Variants in CNTN5 observed in about 807,000 individuals in gnomAD.
CNTN5 encodes contactin 5, also known as contactin-5.
A neutral mutation model predicts 129.1 loss-of-function variants in CNTN5; 77 were observed. That is an observed-to-expected ratio of 0.60 (90% confidence interval 0.50 to 0.72). CNTN5 has a LOEUF of 0.72. Among genes scored for constraint, CNTN5 ranks in the 30% least tolerant of loss-of-function variants. The pLI, the probability that CNTN5 is intolerant of heterozygous loss-of-function variation, is 0.00. For synonymous variants in CNTN5, 509 were observed against 465.6 expected (o/e 1.09, Z -1.20); for missense variants, 1,478 against 1,328.8 (o/e 1.11, Z -1.75).
chr11:100,341,327 A>G (rs578005896), intron 23 of CNTN5, 122 bp downstream of exon 23: 13 of 706,404 alleles, frequency 1.8e-5, no homozygotes, highest in South Asian at 3.7e-5. Context: ...GTCATTTTCT[A>G]TCTGTATCTT....
chr11:99,495,994 G>T (rs1453351898), intron 2 of CNTN5, among the ~76,000 whole-genome samples: 1 of 152,176 alleles, frequency 6.6e-6, no homozygotes, highest in Non-Finnish European at 1.5e-5. Flanking sequence ...GAAGAGCAAT[G>T]TGGGAAAGGG....
At chr11:99,523,079 A>C (rs752069456) in intron 2 of CNTN5, among the ~76,000 whole-genome samples, 10 of 152,202 alleles carry the variant, frequency 6.6e-5, no homozygotes, top group South Asian at 2.1e-4. Flanking sequence ...AATTATCTAC[A>C]TTCTATCAAG....
intron 9 of CNTN5, among the ~76,000 whole-genome samples, chr11:100,010,331 A>G (rs1940448296): frequency 6.6e-6 from 1 of 152,158 alleles, no homozygotes; most frequent in Non-Finnish European, 1.5e-5. Context: ...GGGGGGAAAA[A>G]AAGAATTAGA....
intron 2 of CNTN5, among the ~76,000 whole-genome samples, chr11:99,522,779 C>T (rs182818201): frequency 6.6e-6 from 1 of 152,230 alleles, no homozygotes; most frequent in East Asian, 1.9e-4. Context: ...TGGCATCTAT[C>T]TTTCTTTATT....
intron 1 of CNTN5, among the ~76,000 whole-genome samples, chr11:99,205,365 A>T (rs1369317546): frequency 6.6e-6 from 1 of 152,126 alleles, no homozygotes; most frequent in African/African-American, 2.4e-5. Flanking sequence ...TACCTGCTCT[A>T]GAAGAGGTTT....
At chr11:100,155,939 G>C (rs181045144) in intron 13 of CNTN5, among the ~76,000 whole-genome samples, 13 of 152,160 alleles carry the variant, frequency 8.5e-5, no homozygotes, top group African/African-American at 3.1e-4. Flanking sequence ...ATATAATCTT[G>C]TCATCTGCAA....
At chr11:99,030,480 T>C (rs1403010993) in intron 1 of CNTN5, among the ~76,000 whole-genome samples, 1 of 152,168 alleles carries the variant, frequency 6.6e-6, no homozygotes, top group Non-Finnish European at 1.5e-5. Context: ...TGACAGTGAT[T>C]ACCTCTTCTG....
At chr11:100,068,294 A>G (rs1187398759) in intron 10 of CNTN5, among the ~76,000 whole-genome samples, 1 of 152,154 alleles carries the variant, frequency 6.6e-6, no homozygotes, top group Admixed American at 6.6e-5. Flanking sequence ...CGACATGAAT[A>G]TTTTCCAAAC....
At chr11:99,768,325 T>G (rs1461963290) in intron 3 of CNTN5, among the ~76,000 whole-genome samples, 1 of 152,242 alleles carries the variant, frequency 6.6e-6, no homozygotes, top group Non-Finnish European at 1.5e-5. Flanking sequence ...TCTGATATTA[T>G]AATACTTCAG....
At chr11:99,847,481 C>G (rs1380483987) in intron 6 of CNTN5, among the ~76,000 whole-genome samples, 1 of 152,122 alleles carries the variant, frequency 6.6e-6, no homozygotes, top group African/African-American at 2.4e-5. Flanking sequence ...TCAGTGGTAG[C>G]ACCTTATGAC....
At chr11:100,056,956 AT>A in intron 9 of CNTN5, among the ~76,000 whole-genome samples, 1 of 151,844 alleles carries the variant, frequency 6.6e-6, no homozygotes, top group East Asian at 1.9e-4. Flanking sequence ...TAAATAAAAT[AT>A]ACTTTTTTCC....
chr11:99,916,249 TGTGCATG>T, intron 7 of CNTN5, 100 bp downstream of exon 7: 1 of 861,112 alleles, frequency 1.2e-6, no homozygotes, highest in Non-Finnish European at 1.8e-6. Context: ...TCAGGTGAAA[TGTGCATG>T]GTTTTCTTGA....
intron 1 of CNTN5, among the ~76,000 whole-genome samples, chr11:99,230,304 A>C (rs1256974010): frequency 2.0e-5 from 3 of 152,170 alleles, no homozygotes; most frequent in African/African-American, 7.2e-5. Flanking sequence ...GAAATAAATA[A>C]AAGTGTGTAT....
At chr11:99,364,618 T>C (rs900713723) in intron 2 of CNTN5, among the ~76,000 whole-genome samples, 1 of 152,130 alleles carries the variant, frequency 6.6e-6, no homozygotes, top group Non-Finnish European at 1.5e-5. Context: ...ATACTGTTCA[T>C]AATATCAAAG....
chr11:99,567,684 C>T (rs1386000101), intron 3 of CNTN5, among the ~76,000 whole-genome samples: 2 of 152,060 alleles, frequency 1.3e-5, no homozygotes, highest in African/African-American at 2.4e-5. Flanking sequence ...GATTATGGCT[C>T]CTCCATGATC....
intron 13 of CNTN5, among the ~76,000 whole-genome samples, chr11:100,111,026 CAAAGAA>C (rs1332936604): frequency 6.7e-6 from 1 of 149,956 alleles, no homozygotes; most frequent in Non-Finnish European, 1.5e-5. Context: ...AATGTAAAGA[CAAAGAA>C]AACTTGTAAT....
intron 1 of CNTN5, among the ~76,000 whole-genome samples, chr11:99,179,508 T>G (rs1857942009): frequency 6.6e-6 from 1 of 152,072 alleles, no homozygotes; most frequent in Non-Finnish European, 1.5e-5. Flanking sequence ...AAAAAGAAAT[T>G]TAACTAGTTT....
Position 100,049,893 on chromosome 11 carries a change from G to A in CNTN5, c.981-11319G>A, listed in dbSNP as rs1440575533. On this transcript the variant is annotated intron_variant, in intron 9 of 24. Transcript: ENST00000524871. ...GAAAAAATGCTCACCATCACTGGCC[G>A]TCAGAGAAATGCAAATCAAAACCAC... Among the ~76,000 whole-genome samples the A allele has an allele frequency of 1.5e-3, 230 of 152,112 alleles. 4 individuals carry two copies. The highest frequency in any genetic ancestry group is 1.0e-3 in the African/African-American group (42 of 41,506).
At chr11:99,387,498 C>A (rs1005637824) in intron 2 of CNTN5, among the ~76,000 whole-genome samples, 1 of 152,126 alleles carries the variant, frequency 6.6e-6, no homozygotes. Flanking sequence ...GATTTCAAAC[C>A]ATTTATTATA....
Sources: allele counts gnomAD v4.1 joint callset (sites outside exome capture counted in the v4.1 genomes callset), GRCh38; gene constraint gnomAD v4.1.1; transcripts MANE v1.5; gene names NCBI Gene and HGNC (gene_info 2026-07-23, HGNC 2026-07-21).